SNX19: variants seen among roughly 807,000 people sequenced by gnomAD.
SNX19 encodes sorting nexin 19.
In SNX19, 60 loss-of-function variants were observed where a neutral mutation model predicts 85.2. The ratio of observed to expected loss-of-function variants is 0.70; its 90% CI spans 0.57 to 0.87. The LOEUF is 0.87. Among genes scored for constraint, SNX19 ranks in the 40% least tolerant of loss-of-function variants. The pLI, the probability that SNX19 is intolerant of heterozygous loss-of-function variation, is 0.00. For missense variants in SNX19, 1,201 were observed against 1,217.8 expected (o/e 0.99, Z 0.21); for synonymous variants, 520 against 470.0 (o/e 1.11, Z -1.38).
At chr11:130,882,615 C>T (rs911708016) in intron 8 of SNX19, among the ~76,000 whole-genome samples, 2 of 152,300 alleles carry the variant, frequency 1.3e-5, no homozygotes, top group East Asian at 1.9e-4. Context: ...TTATTAGGGC[C>T]GCATCTCCTT....
At chr11:130,914,216 C>G in intron 1 of SNX19, 50 bp downstream of exon 1, 9 of 1,482,296 alleles carry the variant, frequency 6.1e-6, no homozygotes, top group Non-Finnish European at 8.2e-6. Flanking sequence ...TGACTGCTTT[C>G]CAAACCCACT....
intron 1 of SNX19, 119 bp downstream of exon 1, chr11:130,914,147 G>A: frequency 1.3e-6 from 1 of 761,566 alleles, no homozygotes; most frequent in Non-Finnish European, 2.1e-6. Flanking sequence ...AGAGATAGAT[G>A]CCTATTGAAA....
Position 130,911,759 on chromosome 11 carries a change from G to C in SNX19, c.1687C>G (p.Leu563Val). The stretch of plus-strand genomic sequence containing the variant: ...AGGCCGCTGCTGTTTTCACCGTCAA[G>C]GGCTGTCTCGTACTGTTCAACGAAC... ...TLYTVKYETA[L>V]DGENSSGLQQ... The change falls in exon 2 of 11, where the codon CTT becomes GTT. Residue 563 changes from leucine (L) to valine (V), a missense_variant. Coordinates refer to ENST00000265909, the MANE Select transcript of SNX19 (RefSeq NM_014758.3). The C allele has an allele frequency of 1.2e-6, 2 of 1,614,144 alleles. No homozygotes were observed. Among genetic ancestry groups the C allele is most frequent in the Non-Finnish European group, 1.7e-6 (2 of 1,180,032 alleles).
chr11:130,906,593 T>C (rs1945688992), intron 6 of SNX19, 32 bp downstream of exon 6: 1 of 1,458,834 alleles, frequency 6.9e-7, no homozygotes, highest in African/African-American at 1.4e-5. Context: ...TCAGATATTT[T>C]TGCCTCACAT....
Position 130,873,557 on chromosome 11 carries a change from C to T in SNX19, c.*4865G>A, listed in dbSNP as rs1020826144. Among the ~76,000 whole-genome samples, 5 of 152,136 alleles carry T rather than the reference C, an allele frequency of 3.3e-5. No individual in the cohort carries two copies. Among genetic ancestry groups the T allele is most frequent in the African/African-American group, 1.2e-4 (5 of 41,430 alleles). The stretch of plus-strand genomic sequence containing the variant: ...AATGACTGTGGGTAAGACATAACCA[C>T]TCTGTGCCTCATGTTCCCCACCTAG... On this transcript the variant is annotated 3_prime_UTR_variant, in exon 11 of 11. Coordinates refer to ENST00000265909, the MANE Select transcript of SNX19 (RefSeq NM_014758.3).
chr11:130,899,369 T>G (rs553431754), intron 8 of SNX19, among the ~76,000 whole-genome samples: 1 of 152,324 alleles, frequency 6.6e-6, no homozygotes, highest in Non-Finnish European at 1.5e-5. Flanking sequence ...GAAGAACCGG[T>G]TCTTTCTTTA....
rs750807173 is a variant in SNX19 at position 130,904,032 on chromosome 11, C to T, written c.2444-648G>A. 3.4e-4 allele frequency among the ~76,000 whole-genome samples: 52 copies of T among 152,262 alleles called. 1 individual carries two copies. Among genetic ancestry groups the T allele is most frequent in the Middle Eastern group, 6.8e-3 (2 of 294 alleles). On this transcript the variant is annotated intron_variant, in intron 7 of 10. Coordinates refer to ENST00000265909, the MANE Select transcript of SNX19 (RefSeq NM_014758.3). ...TCTGATTTTGAGATAACATGTGGTT[C>T]TAGGAAGAACACCACACCTCTGGTA...
At chr11:130,905,261 T>C (rs1945575873) in intron 7 of SNX19, among the ~76,000 whole-genome samples, 2 of 152,228 alleles carry the variant, frequency 1.3e-5, no homozygotes, top group African/African-American at 2.4e-5. Context: ...AGTAAAGCTT[T>C]CACCTCTTCT....
At chr11:130,888,715 C>T (rs1379241183) in intron 8 of SNX19, among the ~76,000 whole-genome samples, 1 of 152,098 alleles carries the variant, frequency 6.6e-6, no homozygotes, top group Non-Finnish European at 1.5e-5. Flanking sequence ...CATCTCTAAC[C>T]CATATGGACA....
chr11:130,895,592 C>T (rs1050504628), intron 8 of SNX19, among the ~76,000 whole-genome samples: 6 of 152,052 alleles, frequency 3.9e-5, no homozygotes, highest in Non-Finnish European at 5.9e-5. Context: ...CAAGAGATGC[C>T]AAGAACCTGA....
chr11:130,903,690 TATATAC>T (rs1445873846), intron 7 of SNX19, among the ~76,000 whole-genome samples: 1 of 138,416 alleles, frequency 7.2e-6, no homozygotes, highest in South Asian at 2.3e-4. Context: ...TATGTGTGTA[TATATAC>T]ATATATATAT....
rs1243759371 is a variant in SNX19, at chr11:130,916,159, C to A, written c.-220G>T. On this transcript the variant is annotated 5_prime_UTR_variant, in exon 1 of 11. Coordinates refer to ENST00000265909, the MANE Select transcript of SNX19 (RefSeq NM_014758.3). ...CACTAACAGAGCCCTCCAACTCGCCCCTTCCAGCTGAGGTGTGGCTTTGGA... is the reference window on the plus strand; with the variant it reads ...CACTAACAGAGCCCTCCAACTCGCCACTTCCAGCTGAGGTGTGGCTTTGGA... The A allele has an allele frequency of 5.2e-6, 3 of 576,334 alleles. No homozygotes were observed. Among genetic ancestry groups the A allele is most frequent in the African/African-American group, 1.9e-5 (1 of 53,512 alleles). 35.7% of individuals were successfully genotyped at this position (576,334 alleles called of 1,614,324 possible).
chr11:130,897,799 C>A (rs1328832736), intron 8 of SNX19, among the ~76,000 whole-genome samples: 1 of 152,196 alleles, frequency 6.6e-6, no homozygotes, highest in Non-Finnish European at 1.5e-5. Context: ...TTTCAAGTTT[C>A]TTCTGTTTTC....
Position 130,878,332 on chromosome 11 carries a change from C to T in SNX19, c.*90G>A. 2 of 1,432,838 alleles carry T rather than the reference C, an allele frequency of 1.4e-6. No individual in the cohort carries two copies. Among genetic ancestry groups the T allele is most frequent in the Non-Finnish European group, 1.9e-6 (2 of 1,066,366 alleles). 88.8% of individuals were successfully genotyped at this position (1,432,838 alleles called of 1,614,324 possible). A position where few individuals can be genotyped will look rare whatever the true frequency, so the allele number is the denominator to read the frequency against. ...GAACCTAGGCCTTCTTAGCTGTAGC[C>T]TACTTGAAGAGGGCACGGGCTTCCT... On this transcript the variant is annotated 3_prime_UTR_variant, in exon 11 of 11. Transcript: ENST00000265909.
In SNX19 at chr11:130,910,051, G is replaced by C; in HGVS notation, c.2001C>G (p.Val667=). ...TTCTAGAGACCATAAATGGTTTCTT[G>C]ACAAAGGCAATACGAGCATCTGTGT... The part of the protein sequence containing the change: ...ALNTDARIAF[V]KKPFMVSRID... The change falls in exon 4 of 11, where the codon GTC becomes GTG. Residue 667 remains valine, a synonymous_variant. Transcript: ENST00000265909. The C allele has an allele frequency of 6.2e-7, 1 of 1,613,924 alleles. No individual in the cohort carries two copies. Among genetic ancestry groups the C allele is most frequent in the Non-Finnish European group, 8.5e-7 (1 of 1,180,034 alleles).
intron 8 of SNX19, among the ~76,000 whole-genome samples, chr11:130,889,752 C>T (rs1944367713): frequency 6.6e-6 from 1 of 152,098 alleles, no homozygotes; most frequent in African/African-American, 2.4e-5. Context: ...TGCTGACAAA[C>T]ACATTCTTTC....
chr11:130,907,231 T>C (rs368248790), intron 5 of SNX19, among the ~76,000 whole-genome samples: 1 of 152,124 alleles, frequency 6.6e-6, no homozygotes, highest in Non-Finnish European at 1.5e-5. Context: ...TAAGCAGAGG[T>C]ATCATGGTCA....
chr11:130,911,899 T>C (rs1264208998), intron 1 of SNX19, 128 bp from the exon 2 acceptor site: 2 of 901,190 alleles, frequency 2.2e-6, no homozygotes, highest in Non-Finnish European at 3.4e-6. Flanking sequence ...GGAGGGAGTA[T>C]GTTCCTATTC....
chr11:130,894,136 A>G (rs560783739), intron 8 of SNX19, among the ~76,000 whole-genome samples: 1 of 152,326 alleles, frequency 6.6e-6, no homozygotes, highest in African/African-American at 2.4e-5. Flanking sequence ...TAGTGAATAC[A>G]TAATGTATAA....
Sources: allele counts gnomAD v4.1 joint callset (sites outside exome capture counted in the v4.1 genomes callset), GRCh38; gene constraint gnomAD v4.1.1; transcripts MANE v1.5; gene names NCBI Gene and HGNC (gene_info 2026-07-23, HGNC 2026-07-21).